STK35: variants seen among roughly 807,000 people sequenced by gnomAD.
STK35 encodes the protein serine/threonine-protein kinase 35.
STK35 carries 17 observed loss-of-function variants against 37.3 expected under a neutral mutation model. The observed-to-expected ratio is 0.46, with a 90% CI of 0.31 to 0.68. The LOEUF is 0.68. Ranked by LOEUF, STK35 falls within the 30% of genes least tolerant of loss-of-function variation. The pLI is 0.05. For synonymous variants in STK35, 385 were observed against 319.1 expected, an observed-to-expected ratio of 1.21 and a Z score of -2.20; for missense variants, 595 against 746.7, an observed-to-expected ratio of 0.80 and a Z score of 2.37.
chr20:2,102,880 C>CG lies in STK35; in HGVS notation c.411dup (p.Lys138GlufsTer55). On this transcript the variant is annotated frameshift_variant, in exon 2 of 4. Coordinates refer to ENST00000381482, the MANE Select transcript of STK35 (RefSeq NM_080836.4). LOFTEE classifies it high-confidence loss of function. Reference sequence around the variant, plus strand: ...CCCCCGCCGCCCGCAGCCATGGAAACGGGGAAGGACGGCGCCCGCAGAGGT... The same window carrying CG: ...CCCCCGCCGCCCGCAGCCATGGAAACGGGGGAAGGACGGCGCCCGCAGAGGT... 1 of 1,565,452 alleles carries CG rather than the reference C, an allele frequency of 6.4e-7. No homozygotes were observed. The highest frequency in any genetic ancestry group is 8.6e-7 in the Non-Finnish European group (1 of 1,163,876).
Position 2,143,959 on chromosome 20 carries a change from T to A in STK35, c.*213T>A. On this transcript the variant is annotated 3_prime_UTR_variant, in exon 4 of 4. Coordinates refer to ENST00000381482, the MANE Select transcript of STK35 (RefSeq NM_080836.4). ...GCTTTATTTTTTTCCTTTTCTTTTC[T>A]TTTTTTTTTTTCCTCTTTCCTTTTT... 1.1e-5 allele frequency: 2 copies of A among 184,086 alleles called. No homozygotes were observed. Among genetic ancestry groups the A allele is most frequent in the Admixed American group, 7.8e-5 (1 of 12,878 alleles). The allele number at this position is 184,086 out of a possible 1,614,324, so 11.4% of individuals were successfully genotyped here.
At position 2,102,648 on chromosome 20, in the gene STK35, G is replaced by T. The variant is rs372789516; in HGVS notation, c.295-120G>T. ...CCCCTCCCCCGTTCAATCAGCGGCG[G>T]TGGCTTCCGTCTTAAAGGGGCCGCG... On this transcript the variant is annotated intron_variant, in intron 1 of 3. Coordinates refer to ENST00000381482, the MANE Select transcript of STK35 (RefSeq NM_080836.4). 3 of 924,008 alleles carry T rather than the reference G, an allele frequency of 3.2e-6. No individual in the cohort carries two copies. The African/African-American group carries it at 5.2e-5, about 16-fold the overall frequency. 57.2% of individuals were successfully genotyped at this position (924,008 alleles called of 1,614,324 possible). A position where few individuals can be genotyped will look rare whatever the true frequency, so the allele number is the denominator to read the frequency against.
intron 2 of STK35, among the ~76,000 whole-genome samples, chr20:2,109,359 ACT>A (rs959380277): frequency 2.0e-5 from 3 of 152,204 alleles, no homozygotes; most frequent in Non-Finnish European, 2.9e-5. Context: ...GGGTACCCCA[ACT>A]CTCTGCCTGG....
intron 3 of STK35, among the ~76,000 whole-genome samples, chr20:2,119,524 T>C (rs1427314443): frequency 6.6e-6 from 1 of 152,262 alleles, no homozygotes; most frequent in Admixed American, 6.5e-5. Context: ...GATGAAAAAT[T>C]GACCAGCATA....
chr20:2,103,378 C>G lies in STK35; in HGVS notation c.892+13C>G. The stretch of plus-strand genomic sequence containing the variant: ...ACCTCGCTGAAAGGTAGGAGCACCG[C>G]GGGCCTTTCCACCCACGCAGGGCCT... On this transcript the variant is annotated intron_variant, in intron 2 of 3. Transcript: ENST00000381482. The G allele has an allele frequency of 6.2e-7, 1 of 1,603,324 alleles. No homozygotes were observed. Among genetic ancestry groups the G allele is most frequent in the African/African-American group, 1.3e-5 (1 of 74,804 alleles).
At chr20:2,113,464 T>C (rs923099061) in intron 2 of STK35, among the ~76,000 whole-genome samples, 3 of 152,210 alleles carry the variant, frequency 2.0e-5, no homozygotes, top group Admixed American at 1.3e-4. Context: ...CACATTTCAA[T>C]TGTACCTGCA....
rs142465694 is a variant in STK35 at position 2,112,962 on chromosome 20, T to G, written c.893-3704T>G. On this transcript the variant is annotated intron_variant, in intron 2 of 3. Transcript: ENST00000381482. ...TGCATATATCTATTCCAATTATATATCCTGAAACTGGGGAAATACCCGCAG... is the reference window on the plus strand; with the variant it reads ...TGCATATATCTATTCCAATTATATAGCCTGAAACTGGGGAAATACCCGCAG... Among the ~76,000 whole-genome samples, 47 of 152,304 alleles carry G rather than the reference T, an allele frequency of 3.1e-4. 1 individual carries two copies. The highest frequency in any genetic ancestry group is 7.7e-4 in the East Asian group (4 of 5,182).
At chr20:2,136,194 G>A (rs1600620245) in intron 3 of STK35, among the ~76,000 whole-genome samples, 1 of 152,164 alleles carries the variant, frequency 6.6e-6, no homozygotes, top group Non-Finnish European at 1.5e-5. Context: ...TGCCAAAGTT[G>A]GCCGTCTTCT....
chr20:2,129,074 C>T lies in STK35; in HGVS notation c.*37+11659C>T, dbSNP rs777318511. ...TCCTGACCTCGTGATCCACCCGCCT[C>T]GGCCTCCCAAAGTGCTGGGATTACA... On this transcript the variant is annotated intron_variant, in intron 3 of 3. Coordinates refer to ENST00000381482, the MANE Select transcript of STK35 (RefSeq NM_080836.4). 4.6e-5 allele frequency among the ~76,000 whole-genome samples: 7 copies of T among 152,158 alleles called. No individual in the cohort carries two copies. The East Asian group carries it at 9.6e-4, about 21-fold the overall frequency.
chr20:2,129,103 T>G (rs1568579551), intron 3 of STK35, among the ~76,000 whole-genome samples: 2 of 152,138 alleles, frequency 1.3e-5, no homozygotes, highest in Admixed American at 6.5e-5. Context: ...GATTACAGGC[T>G]TGAGCCACTG....
chr20:2,143,651 A>G, intron 3 of STK35, 133 bp from the exon 4 acceptor site: 1 of 231,796 alleles, frequency 4.3e-6, no homozygotes, highest in Non-Finnish European at 8.6e-6. Context: ...TTGTGAAGCT[A>G]GATTTACCCC....
intron 3 of STK35, among the ~76,000 whole-genome samples, chr20:2,131,718 G>C (rs1235357694): frequency 6.6e-6 from 1 of 151,872 alleles, no homozygotes; most frequent in African/African-American, 2.4e-5. Context: ...TTAACATTTA[G>C]CGTAAAACAC....
chr20:2,105,444 T>G (rs182536941), intron 2 of STK35, among the ~76,000 whole-genome samples: 1 of 152,212 alleles, frequency 6.6e-6, no homozygotes, highest in African/African-American at 2.4e-5. Flanking sequence ...ATGTGGACTT[T>G]CCTCACCTGA....
chr20:2,135,816 C>T (rs1401013675), intron 3 of STK35, among the ~76,000 whole-genome samples: 2 of 152,190 alleles, frequency 1.3e-5, no homozygotes, highest in African/African-American at 4.8e-5. Context: ...CACTGCTGCG[C>T]TCCAGCTTGG....
chr20:2,104,130 C>T (rs1223505786), intron 2 of STK35, among the ~76,000 whole-genome samples: 14 of 152,168 alleles, frequency 9.2e-5, no homozygotes, highest in Non-Finnish European at 7.3e-5. Flanking sequence ...TCTTGCAGTC[C>T]TGGAGGAACT....
At chr20:2,108,155 G>A (rs1427855668) in intron 2 of STK35, among the ~76,000 whole-genome samples, 2 of 152,224 alleles carry the variant, frequency 1.3e-5, no homozygotes, top group Non-Finnish European at 2.9e-5. Flanking sequence ...GGTAGCTTAA[G>A]TTCTAGGTTC....
intron 3 of STK35, among the ~76,000 whole-genome samples, chr20:2,142,966 C>G (rs1986196036): frequency 6.6e-6 from 1 of 152,248 alleles, no homozygotes; most frequent in Non-Finnish European, 1.5e-5. Context: ...TTCCTGAGGC[C>G]TGGCACTAAG....
rs1986251366 is a variant in STK35, at chr20:2,145,694, C to T, written c.*1948C>T. ...GACTTCTCAGGCAGCCTCCTGAGTG[C>T]ACTGAGTTGTATCCGAGAGGGTGGG... On this transcript the variant is annotated 3_prime_UTR_variant, in exon 4 of 4. Transcript: ENST00000381482. 6.6e-6 allele frequency: 1 copy of T among 152,176 alleles called. No individual in the cohort carries two copies. The highest frequency in any genetic ancestry group is 1.5e-5 in the Non-Finnish European group (1 of 68,072). 9.4% of individuals were successfully genotyped at this position (152,176 alleles called of 1,614,324 possible). A position where few individuals can be genotyped will look rare whatever the true frequency, so the allele number is the denominator to read the frequency against.
chr20:2,129,103 T>A, intron 3 of STK35, among the ~76,000 whole-genome samples: 1 of 152,138 alleles, frequency 6.6e-6, no homozygotes, highest in Non-Finnish European at 1.5e-5. Flanking sequence ...GATTACAGGC[T>A]TGAGCCACTG....
Sources: allele counts gnomAD v4.1 joint callset (sites outside exome capture counted in the v4.1 genomes callset), GRCh38; gene constraint gnomAD v4.1.1; transcripts MANE v1.5; gene names NCBI Gene and HGNC (gene_info 2026-07-23, HGNC 2026-07-21).